SOX6: variants seen among roughly 807,000 people sequenced by gnomAD.
SOX6 encodes transcription factor SOX-6.
SOX6 carries 11 observed loss-of-function variants against 97.8 expected under a neutral mutation model. That is an observed-to-expected ratio of 0.11 (90% confidence interval 0.07 to 0.19). The LOEUF (loss-of-function observed/expected upper bound fraction) is 0.19, where lower values mean the gene tolerates loss of function less well. Ranked by LOEUF, SOX6 falls within the 10% of genes least tolerant of loss-of-function variation. The pLI is 1.00. For synonymous variants in SOX6, 360 were observed against 371.4 expected (o/e 0.97, Z 0.35); for missense variants, 810 against 1,039.5 (o/e 0.78, Z 3.04).
chr11:16,738,375 A>G (rs1379369003), intron 1 of SOX6: 1 of 224,114 alleles, frequency 4.5e-6, no homozygotes, highest in African/African-American at 2.2e-5. Flanking sequence ...AAAGGCAAAA[A>G]CCCCTCTAAG....
In SOX6 at chr11:16,111,941, G is replaced by A. The variant is rs1210324463; in HGVS notation, c.778-18C>T. 6.2e-7 allele frequency: 1 copy of A among 1,611,700 alleles called. No individual in the cohort carries two copies. The highest frequency in any genetic ancestry group is 8.5e-7 in the Non-Finnish European group (1 of 1,179,756). The stretch of plus-strand genomic sequence containing the variant: ...CCCTGAACCTGCTAAACAGAAGAGA[G>A]CCTATGATCAGACAGGGAGCAAATG... On this transcript the variant is annotated intron_variant, in intron 6 of 15. Transcript: ENST00000683767.
Position 16,085,929 on chromosome 11 carries a change from T to G in SOX6, c.1101+10067A>C, listed in dbSNP as rs527413940. Among the ~76,000 whole-genome samples, 15 of 152,288 alleles carry G rather than the reference T, an allele frequency of 9.8e-5. No individual in the cohort carries two copies. In the South Asian group the frequency reaches 3.1e-3, roughly 32 times the overall value. ...GGTAGCAAATGCTACCAGTTTTCAG[T>G]GTGATAAAGGGAAACAGTAAAAGCC... On this transcript the variant is annotated intron_variant, in intron 9 of 15. Coordinates refer to ENST00000683767, the MANE Select transcript of SOX6 (RefSeq NM_001367873.1).
chr11:16,162,236 T>C lies in SOX6; in HGVS notation c.777+21650A>G, dbSNP rs1564991411. ...GAATTAGGTTCAGAATATTAAGATA[T>C]CCATATAGGTCAGAATATTTTTATT... is the stretch of plus-strand genomic sequence containing the variant. On this transcript the variant is annotated intron_variant, in intron 6 of 15. Transcript: ENST00000683767. Among the ~76,000 whole-genome samples the C allele has an allele frequency of 2.0e-5, 3 of 152,322 alleles. No homozygotes were observed. In the East Asian group the frequency reaches 5.8e-4, roughly 29 times the overall value.
intron 4 of SOX6, among the ~76,000 whole-genome samples, chr11:16,598,429 C>T (rs1357868349): frequency 1.3e-5 from 2 of 152,014 alleles, no homozygotes; most frequent in Non-Finnish European, 2.9e-5. Context: ...GTTTTATCAA[C>T]AACCTGCTTA....
intron 3 of SOX6, among the ~76,000 whole-genome samples, chr11:16,289,297 T>G (rs1854838816): frequency 6.6e-6 from 1 of 151,908 alleles, no homozygotes; most frequent in African/African-American, 2.4e-5. Flanking sequence ...GAAATCAAGG[T>G]GCAGGATATG....
chr11:16,159,583 T>C (rs1418122425), intron 6 of SOX6, among the ~76,000 whole-genome samples: 2 of 152,140 alleles, frequency 1.3e-5, no homozygotes, highest in African/African-American at 4.8e-5. Context: ...CTGAGTAATA[T>C]AAAATCTAAA....
chr11:16,521,227 C>T (rs918935089), intron 4 of SOX6, among the ~76,000 whole-genome samples: 2 of 152,160 alleles, frequency 1.3e-5, no homozygotes, highest in Admixed American at 6.5e-5. Context: ...CTGGGAGGCA[C>T]CCCCAGTAGG....
chr11:16,182,211 A>G (rs1428832681), intron 6 of SOX6, among the ~76,000 whole-genome samples: 1 of 151,878 alleles, frequency 6.6e-6, no homozygotes, highest in African/African-American at 2.4e-5. Context: ...GTCAGTATAA[A>G]CAGCACTGGA....
intron 3 of SOX6, among the ~76,000 whole-genome samples, chr11:16,657,408 A>G (rs1847731290): frequency 6.6e-6 from 1 of 152,214 alleles, no homozygotes; most frequent in South Asian, 2.1e-4. Flanking sequence ...GCTGTTATTC[A>G]TGTGCATGTG....
intron 4 of SOX6, among the ~76,000 whole-genome samples, chr11:16,518,298 C>T (rs987491179): frequency 5.3e-5 from 8 of 152,136 alleles, no homozygotes; most frequent in Admixed American, 2.6e-4. Flanking sequence ...GCAAGTGGAA[C>T]GTCATTCCCC....
chr11:16,051,901 A>G (rs966702125), intron 10 of SOX6, among the ~76,000 whole-genome samples: 3 of 148,198 alleles, frequency 2.0e-5, no homozygotes, highest in African/African-American at 7.9e-5. Flanking sequence ...TATGCCTTTC[A>G]TTTTGGATAG....
intron 6 of SOX6, among the ~76,000 whole-genome samples, chr11:16,162,034 A>G (rs373922542): frequency 1.1e-3 from 169 of 152,304 alleles, no homozygotes; most frequent in African/African-American, 3.8e-3. Context: ...CAAGTCTTTC[A>G]ATTTTTACAT....
intron 4 of SOX6, among the ~76,000 whole-genome samples, chr11:16,599,782 A>G (rs1218499022): frequency 6.6e-6 from 1 of 152,240 alleles, no homozygotes; most frequent in Non-Finnish European, 1.5e-5. Flanking sequence ...TACAACATCT[A>G]CAATTAACCT....
intron 4 of SOX6, among the ~76,000 whole-genome samples, chr11:16,528,957 C>T (rs1861204266): frequency 6.6e-6 from 1 of 151,992 alleles, no homozygotes; most frequent in Admixed American, 6.6e-5. Flanking sequence ...GGTCTCCTAC[C>T]TTATGGGCAT....
intron 1 of SOX6, among the ~76,000 whole-genome samples, chr11:16,737,051 T>C (rs2134063422): frequency 6.6e-6 from 1 of 152,292 alleles, no homozygotes; most frequent in African/African-American, 2.4e-5. Context: ...CTGGTCACAG[T>C]TCAGTGAGGA....
At chr11:15,992,219 G>A (rs1453592758) in intron 13 of SOX6, among the ~76,000 whole-genome samples, 1 of 152,148 alleles carries the variant, frequency 6.6e-6, no homozygotes, top group Non-Finnish European at 1.5e-5. Flanking sequence ...AGAAATGAAT[G>A]GGGACATCCT....
At chr11:16,331,428 C>G (rs1429658246) in intron 2 of SOX6, among the ~76,000 whole-genome samples, 1 of 152,126 alleles carries the variant, frequency 6.6e-6, no homozygotes, top group Non-Finnish European at 1.5e-5. Flanking sequence ...GTCATACATA[C>G]TCAGGGCCAC....
chr11:16,287,177 G>A (rs571220227), intron 3 of SOX6, among the ~76,000 whole-genome samples: 1 of 151,692 alleles, frequency 6.6e-6, no homozygotes, highest in East Asian at 1.9e-4. Flanking sequence ...ATTTGATTAG[G>A]TATTTGGGGG....
intron 4 of SOX6, among the ~76,000 whole-genome samples, chr11:16,494,014 G>C (rs986251151): frequency 5.9e-5 from 9 of 152,110 alleles, no homozygotes; most frequent in South Asian, 2.1e-4. Context: ...CAATCAAAAA[G>C]TCCATTAATG....
Sources: gnomAD v4.1 joint callset for allele counts (sites outside exome capture counted in the v4.1 genomes callset) on GRCh38, gnomAD v4.1.1 for gene constraint, MANE v1.5 for transcripts, NCBI Gene and HGNC (gene_info 2026-07-23, HGNC 2026-07-21) for gene names.